PLEKHD1: variants seen among roughly 807,000 people sequenced by gnomAD.
PLEKHD1 encodes pleckstrin homology domain-containing family D member 1.
In PLEKHD1, 51 loss-of-function variants were observed where a neutral mutation model predicts 69.2. That is an observed-to-expected ratio of 0.74 (90% CI 0.59 to 0.93). The LOEUF (loss-of-function observed/expected upper bound fraction) is 0.93, where lower values mean the gene tolerates loss of function less well. PLEKHD1 is among the 40% of genes least tolerant of loss of function. PLEKHD1 has a pLI of 0.00. For missense variants in PLEKHD1, 584 were observed against 641.0 expected (o/e 0.91, Z 0.96); for synonymous variants, 236 against 244.7 (o/e 0.96, Z 0.33).
chr14:69,483,751 C>A (rs1170342994), upstream of PLEKHD1, among the ~76,000 whole-genome samples: 7 of 152,382 alleles, frequency 4.6e-5, no homozygotes, highest in East Asian at 1.2e-3. Flanking sequence ...AGCGCGACTG[C>A]GGCGTGGTCT....
the PLEKHD1 span, among the ~76,000 whole-genome samples, chr14:69,470,023 A>G: frequency 6.6e-6 from 1 of 151,652 alleles, no homozygotes. Flanking sequence ...TGCCCTGCCA[A>G]GTTGTCTCTT....
intron 10 of PLEKHD1, 135 bp downstream of exon 10, chr14:69,526,964 C>A: frequency 1.5e-6 from 2 of 1,328,088 alleles, no homozygotes; most frequent in South Asian, 3.1e-5. Context: ...GGGATGGAGC[C>A]ACCACGAGGG....
chr14:69,495,342 G>T (rs986582815), intron 1 of PLEKHD1, among the ~76,000 whole-genome samples: 1 of 152,122 alleles, frequency 6.6e-6, no homozygotes, highest in Admixed American at 6.6e-5. Flanking sequence ...CCTCAACACA[G>T]CAGGGTCGAG....
intron 7 of PLEKHD1, among the ~76,000 whole-genome samples, chr14:69,523,391 T>A (rs932471820): frequency 2.2e-4 from 34 of 152,176 alleles, no homozygotes; most frequent in African/African-American, 8.2e-4. Context: ...AACTGTTTTC[T>A]TATAACAACC....
At chr14:69,486,968 C>T (rs550900131) in intron 1 of PLEKHD1, among the ~76,000 whole-genome samples, 12 of 152,308 alleles carry the variant, frequency 7.9e-5, no homozygotes, top group Middle Eastern at 3.4e-3. Context: ...CCACCCGAAA[C>T]GATGCAATCA....
At chr14:69,509,286 G>A (rs1397874746) in intron 6 of PLEKHD1, among the ~76,000 whole-genome samples, 3 of 152,164 alleles carry the variant, frequency 2.0e-5, no homozygotes, top group East Asian at 3.8e-4. Flanking sequence ...GTCTGGGAAT[G>A]TTTTCTCCTA....
Position 69,508,147 on chromosome 14 carries a change from G to A in PLEKHD1, c.555+5268G>A, listed in dbSNP as rs187581048. On this transcript the variant is annotated intron_variant, in intron 6 of 12. Transcript: ENST00000322564. ...TTTTAGGCCGGGCGTGGTGGCTCAC[G>A]CCTGTAATCCTAGAACTTTGGGAAG... Among the ~76,000 whole-genome samples, 14 of 152,152 alleles carry A rather than the reference G, an allele frequency of 9.2e-5. No individual in the cohort carries two copies. In the East Asian group the frequency reaches 1.7e-3, roughly 19 times the overall value.
At chr14:69,474,382 C>T in the PLEKHD1 span, among the ~76,000 whole-genome samples, 3 of 152,284 alleles carry the variant, frequency 2.0e-5, no homozygotes, top group African/African-American at 4.8e-5. Flanking sequence ...ACCACCGGTT[C>T]GCGACCATGG....
At chr14:69,524,413 G>T in intron 8 of PLEKHD1, 91 bp downstream of exon 8, 1 of 1,119,928 alleles carries the variant, frequency 8.9e-7, no homozygotes, top group Non-Finnish European at 1.3e-6. Context: ...TTTCCCCAGG[G>T]GGTGATCTGT....
intron 1 of PLEKHD1, among the ~76,000 whole-genome samples, chr14:69,486,549 A>G (rs1882659443): frequency 1.3e-5 from 2 of 152,176 alleles, no homozygotes; most frequent in South Asian, 4.1e-4. Flanking sequence ...GGCTGTGTGT[A>G]GATTCAAGCA....
intron 1 of PLEKHD1, among the ~76,000 whole-genome samples, chr14:69,496,702 ATTTTTTT>A (rs375368521): frequency 8.9e-5 from 10 of 112,920 alleles, no homozygotes; most frequent in South Asian, 3.2e-4. Flanking sequence ...TGCCCAGCTA[ATTTTTTT>A]TTTTTTTTTT....
intron 6 of PLEKHD1, among the ~76,000 whole-genome samples, chr14:69,505,547 G>A (rs750517677): frequency 6.6e-6 from 1 of 152,186 alleles, no homozygotes; most frequent in Non-Finnish European, 1.5e-5. Context: ...GACCTGGATT[G>A]GAGTCTTAAC....
intron 6 of PLEKHD1, among the ~76,000 whole-genome samples, chr14:69,510,915 A>G (rs933996797): frequency 6.6e-6 from 1 of 152,192 alleles, no homozygotes; most frequent in African/African-American, 2.4e-5. Flanking sequence ...TCTCTATCAC[A>G]TTGAGGAAGT....
rs749092740 is a variant in PLEKHD1, at chr14:69,528,299, G to A, written c.1401G>A (p.Met467Ile). Residue 467 changes from methionine to isoleucine, a missense_variant, in exon 13 of 13, where the codon ATG (methionine) becomes ATA (isoleucine). Transcript: ENST00000322564. ...FMTSQLDANNMEELKEVAKRL... is the reference protein window; with the variant it reads ...FMTSQLDANNIEELKEVAKRL... ...CCTCCCAGCTGGATGCCAACAACAT[G>A]GAGGAGCTAAAGGAGGTGGCCAAGC... 5 of 1,551,732 alleles carry A rather than the reference G, an allele frequency of 3.2e-6. No individual in the cohort carries two copies. The African/African-American group carries it at 5.5e-5, about 17-fold the overall frequency.
At chr14:69,525,877 A>C (rs1883633395) in intron 8 of PLEKHD1, 67 bp from the exon 9 acceptor site, 1 of 1,436,140 alleles carries the variant, frequency 7.0e-7, no homozygotes, top group Non-Finnish European at 9.4e-7. Context: ...ACGGAAAAGC[A>C]GGTGAGGGCA....
At chr14:69,510,896 T>C (rs1029265635) in intron 6 of PLEKHD1, among the ~76,000 whole-genome samples, 1 of 152,212 alleles carries the variant, frequency 6.6e-6, no homozygotes, top group Non-Finnish European at 1.5e-5. Flanking sequence ...TGTAGGTGTT[T>C]GTAGATGTTC....
the PLEKHD1 span, among the ~76,000 whole-genome samples, chr14:69,471,244 CACAG>C: frequency 1.3e-5 from 2 of 151,328 alleles, no homozygotes; most frequent in Admixed American, 1.3e-4. Flanking sequence ...TAGCTGGGAC[CACAG>C]GCACACACCA....
chr14:69,517,607 A>G (rs922877348), intron 6 of PLEKHD1, among the ~76,000 whole-genome samples: 4 of 152,164 alleles, frequency 2.6e-5, no homozygotes, highest in African/African-American at 9.7e-5. Flanking sequence ...CTTGCAACAT[A>G]GGAAGTGCTT....
intron 1 of PLEKHD1, among the ~76,000 whole-genome samples, chr14:69,492,006 C>T (rs1882786631): frequency 6.6e-6 from 1 of 152,096 alleles, no homozygotes; most frequent in Admixed American, 6.6e-5. Flanking sequence ...ACAATATGAC[C>T]TTATAAGTGC....
Sources: allele counts gnomAD v4.1 joint callset (sites outside exome capture counted in the v4.1 genomes callset), GRCh38; gene constraint gnomAD v4.1.1; transcripts MANE v1.5; gene names NCBI Gene and HGNC (gene_info 2026-07-23, HGNC 2026-07-21).